Variants in RP1 observed in about 807,000 individuals in gnomAD.
RP1 encodes the protein oxygen-regulated protein 1.
RP1 carries 16 observed loss-of-function variants against 14.8 expected under a neutral mutation model. The observed-to-expected ratio is 1.08, with a 90% confidence interval of 0.73 to 1.65. The LOEUF is 1.65. RP1 is among the 40% of genes most tolerant of loss of function. The probability of loss-of-function intolerance (pLI) is 0.00; values close to 1 mark genes in which losing one functional copy is unlikely to be tolerated. For missense variants in RP1, 2,631 were observed against 2,535.0 expected (o/e 1.04, Z -0.81); for synonymous variants, 876 against 883.6 (o/e 0.99, Z 0.15).
Position 54,625,336 on chromosome 8 carries a change from A to T in RP1, c.1454A>T (p.Tyr485Phe). ...VQEKMIGQFSYSEERESGENK... is the reference protein window; with the variant it reads ...VQEKMIGQFSFSEERESGENK... ...GAGAAAATGATTGGACAGTTTTCAT[A>T]TAGTGAAGAAAGGGAAAGTGGGGAA... The change falls in exon 4 of 4, where the codon TAT becomes TTT. Residue 485 changes from tyrosine (Y) to phenylalanine (F), a missense_variant. Transcript: ENST00000220676. 1 of 1,614,216 alleles carries T rather than the reference A, an allele frequency of 6.2e-7. No individual in the cohort carries two copies. The highest frequency in any genetic ancestry group is 8.5e-7 in the Non-Finnish European group (1 of 1,180,038).
At chr8:54,839,476 G>A (rs1485410529) in intron 25 of RP1, among the ~76,000 whole-genome samples, 3 of 152,168 alleles carry the variant, frequency 2.0e-5, no homozygotes, top group South Asian at 2.1e-4. Context: ...TTTAGAAGTC[G>A]TTCTGTCTTC....
intron 24 of RP1, among the ~76,000 whole-genome samples, chr8:54,807,454 T>C (rs943511175): frequency 6.6e-6 from 1 of 152,170 alleles, no homozygotes; most frequent in Non-Finnish European, 1.5e-5. Flanking sequence ...TGACCACATA[T>C]GTGTAAATGC....
chr8:54,691,312 A>G (rs992733310), intron 12 of RP1, among the ~76,000 whole-genome samples: 4 of 152,082 alleles, frequency 2.6e-5, no homozygotes, highest in African/African-American at 9.7e-5. Flanking sequence ...ATATTGGAAA[A>G]GGAATGTTAA....
At chr8:54,711,159 C>G (rs1808286195) in intron 15 of RP1, among the ~76,000 whole-genome samples, 1 of 152,066 alleles carries the variant, frequency 6.6e-6, no homozygotes. Flanking sequence ...AATACTGTTA[C>G]TATGTTTTTT....
At position 54,626,987 on chromosome 8, in the gene RP1, T is replaced by C. The variant is rs113055237; in HGVS notation, c.3105T>C (p.Asn1035=). 1 of 1,613,896 alleles carries C rather than the reference T, an allele frequency of 6.2e-7. No homozygotes were observed. Among genetic ancestry groups the C allele is most frequent in the African/African-American group, 1.3e-5 (1 of 74,908 alleles). Residue 1035 remains asparagine, a synonymous_variant, in exon 4 of 4, where the codon AAT becomes AAC. Coordinates refer to ENST00000220676, the MANE Select transcript of RP1 (RefSeq NM_006269.2). ...TLSQSAINDH[N]TKSHIAAEKS... ...CACAGTCAGCTATTAATGATCATAA[T>C]ACTAAAAGTCATATAGCTGCTGAAA...
downstream of RP1, among the ~76,000 whole-genome samples, chr8:54,770,483 A>C (rs1809874903): frequency 6.6e-6 from 1 of 151,272 alleles, no homozygotes; most frequent in Admixed American, 6.6e-5. Flanking sequence ...TATTAACAAA[A>C]AATTGAGATA....
chr8:54,812,495 T>C (rs955037712), intron 24 of RP1, among the ~76,000 whole-genome samples: 5 of 152,230 alleles, frequency 3.3e-5, no homozygotes, highest in Non-Finnish European at 7.3e-5. Context: ...TTTTGGTTCC[T>C]ATGATATGGT....
At position 54,842,279 on chromosome 8, in the gene RP1, G is replaced by A. The variant is rs185313757; in HGVS notation, c.3835+4610G>A. ...CTGGCTATGTGAATCGGGGCAAGTG[G>A]CCAGGTTTTCTGAGTTTCTGTTACT... is the stretch of plus-strand genomic sequence containing the variant. On this transcript the variant is annotated intron_variant, in intron 25 of 28. Coordinates refer to the RP1 transcript ENST00000637698. Among the ~76,000 whole-genome samples the A allele has an allele frequency of 3.3e-5, 5 of 152,314 alleles. No individual in the cohort carries two copies. In the East Asian group the frequency reaches 9.6e-4, roughly 29 times the overall value.
chr8:54,706,401 C>T (rs781248362), intron 14 of RP1: 2 of 1,523,180 alleles, frequency 1.3e-6, no homozygotes, highest in South Asian at 1.2e-5. Context: ...AAAACACGAG[C>T]CCGTTACTGA....
chr8:54,778,418 G>A (rs576636409), intron 23 of RP1, among the ~76,000 whole-genome samples: 3 of 151,092 alleles, frequency 2.0e-5, no homozygotes, highest in South Asian at 2.1e-4. Flanking sequence ...TCCACCTCCC[G>A]GGTTCAAGCA....
intron 22 of RP1, among the ~76,000 whole-genome samples, chr8:54,767,477 A>C (rs1479726205): frequency 6.6e-6 from 1 of 151,586 alleles, no homozygotes; most frequent in Non-Finnish European, 1.5e-5. Context: ...CTCCTGCCTC[A>C]GCCTCCTGAG....
chr8:54,710,237 G>GC (rs1299966502), intron 15 of RP1, among the ~76,000 whole-genome samples: 2 of 152,186 alleles, frequency 1.3e-5, no homozygotes, highest in African/African-American at 4.8e-5. Flanking sequence ...AGCCTGCCCC[G>GC]CTCAACCCTT....
At chr8:54,698,732 T>A (rs1807935112) in intron 12 of RP1, among the ~76,000 whole-genome samples, 1 of 152,184 alleles carries the variant, frequency 6.6e-6, no homozygotes, top group Non-Finnish European at 1.5e-5. Flanking sequence ...GTTCATGTCC[T>A]TTGCAGGGAC....
chr8:54,858,412 G>A (rs1812256790), intron 27 of RP1, among the ~76,000 whole-genome samples: 1 of 152,078 alleles, frequency 6.6e-6, no homozygotes, highest in Admixed American at 6.6e-5. Context: ...CAATGCCACT[G>A]TAGAGTGATG....
chr8:54,676,526 A>G (rs1023921817), intron 8 of RP1, among the ~76,000 whole-genome samples: 1 of 152,244 alleles, frequency 6.6e-6, no homozygotes, highest in African/African-American at 2.4e-5. Flanking sequence ...GAAGATAGTA[A>G]GATAAATGAT....
At chr8:54,649,197 G>A in intron 4 of RP1, 1 of 1,342,614 alleles carries the variant, frequency 7.4e-7, no homozygotes, top group Non-Finnish European at 9.6e-7. Flanking sequence ...GATACACCTA[G>A]TAGGTACTTT....
intron 1 of RP1, among the ~76,000 whole-genome samples, chr8:54,584,947 T>G (rs1804885234): frequency 6.6e-6 from 1 of 152,212 alleles, no homozygotes; most frequent in Admixed American, 6.5e-5. Context: ...GTCTTGACTC[T>G]TTATCCAATT....
intron 17 of RP1, among the ~76,000 whole-genome samples, chr8:54,729,886 T>C (rs1808750617): frequency 6.6e-6 from 1 of 152,106 alleles, no homozygotes; most frequent in Non-Finnish European, 1.5e-5. Flanking sequence ...TACAAGATAA[T>C]GAATTATATT....
chr8:54,595,767 A>G (rs1400490812), intron 1 of RP1, among the ~76,000 whole-genome samples: 2 of 152,224 alleles, frequency 1.3e-5, no homozygotes, highest in African/African-American at 2.4e-5. Flanking sequence ...ACTTGATTAT[A>G]TGTTTTGAGG....
Sources: gnomAD v4.1 joint callset for allele counts (sites outside exome capture counted in the v4.1 genomes callset) on GRCh38, gnomAD v4.1.1 for gene constraint, MANE v1.5 for transcripts, NCBI Gene and HGNC (gene_info 2026-07-23, HGNC 2026-07-21) for gene names.